The following RFC5 variants were observed in gnomAD, a reference collection of about 807,000 sequenced individuals.
RFC5 encodes the protein replication factor C subunit 5.
Under a neutral mutation model 44.3 loss-of-function variants are expected in RFC5, and 26 were observed. The observed-to-expected ratio is 0.59, with a 90% CI of 0.43 to 0.81. The LOEUF is 0.81. Among genes scored for constraint, RFC5 ranks in the 40% least tolerant of loss-of-function variants. The probability of loss-of-function intolerance (pLI) is 0.00; values close to 1 mark genes in which losing one functional copy is unlikely to be tolerated. For missense variants in RFC5, 328 were observed against 418.6 expected, an observed-to-expected ratio of 0.78 and a Z score of 1.89; for synonymous variants, 155 against 155.2, an observed-to-expected ratio of 1.00 and a Z score of 0.01.
chr12:118,021,135 G>T, intron 4 of RFC5, 150 bp downstream of exon 4: 1 of 575,150 alleles, frequency 1.7e-6, no homozygotes. Context: ...ATAAACGAGA[G>T]GGATGGTAGT....
intron 9 of RFC5, among the ~76,000 whole-genome samples, chr12:118,028,500 CAAAA>C (rs1220718809): frequency 1.4e-5 from 2 of 144,794 alleles, no homozygotes; most frequent in Admixed American, 1.4e-4. Context: ...AAAAACAAAA[CAAAA>C]CACAAAAAAC....
chr12:118,021,823 G>C (rs962471690), intron 4 of RFC5, among the ~76,000 whole-genome samples: 1 of 152,060 alleles, frequency 6.6e-6, no homozygotes, highest in East Asian at 1.9e-4. Context: ...TGGGCATGGT[G>C]GTGGGCGCCT....
chr12:118,026,205 G>A (rs5745863), intron 7 of RFC5, among the ~76,000 whole-genome samples: 169 of 152,272 alleles, frequency 1.1e-3, no homozygotes, highest in African/African-American at 4.0e-3. Context: ...CTAAGCAAAG[G>A]CATGATCAAT....
At chr12:118,038,432 G>A in the RFC5 span, 1 of 1,582,440 alleles carries the variant, frequency 6.3e-7, no homozygotes, top group South Asian at 1.1e-5. Flanking sequence ...CCTCAACAAA[G>A]CAGGAAGACT....
At chr12:118,023,457 GAGGA>G (rs2030686623) in intron 5 of RFC5, among the ~76,000 whole-genome samples, 4 of 111,284 alleles carry the variant, frequency 3.6e-5, no homozygotes, top group African/African-American at 6.9e-5. Flanking sequence ...GGAGGAGGGG[GAGGA>G]GAAGGCGGAG....
At chr12:118,028,376 G>A (rs1163730858) in intron 9 of RFC5, among the ~76,000 whole-genome samples, 3 of 151,816 alleles carry the variant, frequency 2.0e-5, no homozygotes, top group African/African-American at 4.8e-5. Flanking sequence ...TCCCAGCTAC[G>A]TGGGAGGCTG....
Position 118,019,076 on chromosome 12 carries a change from GA to G in RFC5, c.75del (p.Lys25AsnfsTer7). On this transcript the variant is annotated frameshift_variant, in exon 2 of 11. Transcript: ENST00000454402. LOFTEE classifies it high-confidence loss of function. This position sits in a 1 kb window ranked among gnomAD's most constrained non-coding sequence, Gnocchi z 4.2. ...ACATACTAAATTGTATTTCAGGGTT[GA>G]AAAATACCGGCCACAGACCCTGAAT... ...ATKIRNLPWV[E>X]KYRPQTLNDL... 2 of 1,607,764 alleles carry G rather than the reference GA, an allele frequency of 1.2e-6. No homozygotes were observed. The highest frequency in any genetic ancestry group is 1.7e-6 in the Non-Finnish European group (2 of 1,174,344).
chr12:118,027,068 G>A (rs1593449844), intron 8 of RFC5, 50 bp downstream of exon 8: 1 of 1,584,030 alleles, frequency 6.3e-7, no homozygotes, highest in South Asian at 1.1e-5. Context: ...GGTGGCCCCA[G>A]GAGTTCAGGT....
Position 118,022,268 on chromosome 12 carries a change from C to A in RFC5, c.348-18C>A. ...TGAGATTGAAGAAATCTTTAGACAG[C>A]ACCATTTGTTTTTCTAGGAAAGGCT... On this transcript the variant is annotated intron_variant, in intron 4 of 10. Coordinates refer to ENST00000454402, the MANE Select transcript of RFC5 (RefSeq NM_007370.7). 1 of 1,600,272 alleles carries A rather than the reference C, an allele frequency of 6.2e-7. No individual in the cohort carries two copies. Among genetic ancestry groups the A allele is most frequent in the Non-Finnish European group, 8.6e-7 (1 of 1,167,522 alleles).
At chr12:118,034,531 C>T (rs962059921), downstream of RFC5, 5 of 725,190 alleles carry the variant, frequency 6.9e-6, no homozygotes, top group Non-Finnish European at 1.1e-5. Flanking sequence ...ATTAAAGCTG[C>T]TGATAGGATT....
At chr12:118,034,068 A>G, downstream of RFC5, 1 of 1,297,162 alleles carries the variant, frequency 7.7e-7, no homozygotes, top group South Asian at 1.4e-5. Flanking sequence ...TGGTTTTGCT[A>G]CATTCTATTC....
At chr12:118,035,104 A>G, downstream of RFC5, 1 of 1,613,948 alleles carries the variant, frequency 6.2e-7, no homozygotes, top group Non-Finnish European at 8.5e-7. Context: ...CTGGATGGGG[A>G]GAGAGAACAT....
At position 118,031,268 on chromosome 12, in the gene RFC5, C is replaced by T. The variant is rs779379437; in HGVS notation, c.1013C>T (p.Ala338Val). 2.8e-5 allele frequency: 45 copies of T among 1,609,182 alleles called. No homozygotes were observed. Among genetic ancestry groups the T allele is most frequent in the Non-Finnish European group, 3.7e-5 (44 of 1,175,782 alleles). The change falls in exon 11 of 11, where the codon GCA becomes GTA. Residue 338 changes from alanine (A) to valine (V), a missense_variant. Transcript: ENST00000454402. ...CAAGTCACCAGAGACCTGATTGTTG[C>T]AGAGGCCTAGATGCTCTGAGGGCCA... ...AFQVTRDLIV[A>V]EA
intron 5 of RFC5, among the ~76,000 whole-genome samples, chr12:118,023,943 G>T (rs1047122738): frequency 6.6e-6 from 1 of 152,086 alleles, no homozygotes; most frequent in African/African-American, 2.4e-5. Context: ...TAGGCAGGGC[G>T]CAGTGGCTCA....
downstream of RFC5, chr12:118,034,315 G>A (rs755309782): frequency 1.9e-6 from 3 of 1,614,250 alleles, no homozygotes; most frequent in South Asian, 2.2e-5. Context: ...AGTGAGGACA[G>A]GACCCTAGGA....
intron 6 of RFC5, chr12:118,025,367 G>T: frequency 3.1e-6 from 1 of 322,630 alleles, no homozygotes; most frequent in East Asian, 5.8e-5. Context: ...ATCACATTCT[G>T]TGTAGTCAGA....
At chr12:118,022,219 T>C (rs747578155) in intron 4 of RFC5, 67 bp from the exon 5 acceptor site, 21 of 1,270,338 alleles carry the variant, frequency 1.7e-5, no homozygotes, top group South Asian at 2.4e-5. Context: ...TGGGAAGATA[T>C]AGGTTTGAGC....
In RFC5 at chr12:118,029,788, G is replaced by A; in HGVS notation, c.889G>A (p.Val297Ile). 1.2e-6 allele frequency: 2 copies of A among 1,610,344 alleles called. No individual in the cohort carries two copies. The highest frequency in any genetic ancestry group is 1.7e-6 in the Non-Finnish European group (2 of 1,176,604). The change falls in exon 10 of 11, where the codon GTT (valine) becomes ATT (isoleucine). Residue 297 changes from valine (V) to isoleucine (I), a missense_variant. Physicochemically the swap from Val to Ile is conservative, Grantham distance 29 (BLOSUM62 3). Transcript: ENST00000454402. The stretch of plus-strand genomic sequence containing the variant: ...TCCCTCAGTTGACTTTCCATCTTCA[G>A]TTCGAATACATTTATTGACCAAAAT... ...FVHRVDFPSS[V>I]RIHLLTKMAD... is the part of the protein sequence containing the mutation.
At chr12:118,040,153 A>T in the RFC5 span, among the ~76,000 whole-genome samples, 1 of 152,084 alleles carries the variant, frequency 6.6e-6, no homozygotes, top group Non-Finnish European at 1.5e-5. Flanking sequence ...AGCCCATGCA[A>T]CACAGTGAGA....
Sources: gnomAD v4.1 joint callset for allele counts (sites outside exome capture counted in the v4.1 genomes callset) on GRCh38, gnomAD v4.1.1 for gene constraint, Gnocchi (gnomAD v3.1) non-coding constraint, MANE v1.5 for transcripts, NCBI Gene and HGNC (gene_info 2026-07-23, HGNC 2026-07-21) for gene names.